The following CUX2 variants were observed in gnomAD, a reference collection of about 807,000 sequenced individuals.
CUX2 encodes cut like homeobox 2.
Under a neutral mutation model 144.8 loss-of-function variants are expected in CUX2, and 40 were observed. That is an observed-to-expected ratio of 0.28 (90% CI 0.21 to 0.36). The LOEUF (loss-of-function observed/expected upper bound fraction) is 0.36. Ranked by LOEUF, CUX2 falls within the 10% of genes least tolerant of loss-of-function variation. The pLI is 1.00. For missense variants in CUX2, 1,615 were observed against 1,994.0 expected, an observed-to-expected ratio of 0.81 and a Z score of 3.62; for synonymous variants, 827 against 875.6, an observed-to-expected ratio of 0.94 and a Z score of 0.98.
intron 1 of CUX2, among the ~76,000 whole-genome samples, chr12:111,127,855 G>A (rs1875191101): frequency 1.3e-5 from 2 of 152,194 alleles, no homozygotes; most frequent in African/African-American, 4.8e-5. Flanking sequence ...GAAAGAGCTT[G>A]TGCAGGGCAA....
chr12:111,114,059 G>T (rs910640639), intron 1 of CUX2, among the ~76,000 whole-genome samples: 1 of 152,174 alleles, frequency 6.6e-6, no homozygotes, highest in Admixed American at 6.5e-5. Flanking sequence ...TTGCATATAG[G>T]TTCTTGTTTG....
chr12:111,247,720 G>A (rs1883345613), intron 3 of CUX2, among the ~76,000 whole-genome samples: 1 of 152,136 alleles, frequency 6.6e-6, no homozygotes, highest in South Asian at 2.1e-4. Context: ...CTGACCCTCT[G>A]CCCACGCTCT....
At chr12:111,040,760 A>G (rs1342831964) in intron 1 of CUX2, among the ~76,000 whole-genome samples, 1 of 152,182 alleles carries the variant, frequency 6.6e-6, no homozygotes, top group Non-Finnish European at 1.5e-5. Flanking sequence ...GAGTTGGATA[A>G]TAATACACTG....
intron 1 of CUX2, among the ~76,000 whole-genome samples, chr12:111,109,908 C>T (rs1252856823): frequency 1.3e-5 from 2 of 152,184 alleles, no homozygotes; most frequent in Admixed American, 1.3e-4. Context: ...TAGGATCTCA[C>T]TCTGTTGCCC....
intron 15 of CUX2, among the ~76,000 whole-genome samples, chr12:111,311,441 A>G (rs1886893098): frequency 6.6e-6 from 1 of 150,894 alleles, no homozygotes; most frequent in Admixed American, 6.6e-5. Context: ...TCACAACGCC[A>G]CCATGCCTGG....
At chr12:111,159,060 G>A (rs1386997798) in intron 1 of CUX2, among the ~76,000 whole-genome samples, 1 of 152,176 alleles carries the variant, frequency 6.6e-6, no homozygotes, top group African/African-American at 2.4e-5. Context: ...AGCCCAGCTG[G>A]TGTTCCGATC....
intron 15 of CUX2, among the ~76,000 whole-genome samples, chr12:111,311,603 A>ATTTT (rs369788655): frequency 7.6e-6 from 1 of 131,060 alleles, no homozygotes; most frequent in African/African-American, 2.8e-5. Context: ...TATTATTATT[A>ATTTT]TTTTTTTTTT....
chr12:111,287,817 T>C lies in CUX2; in HGVS notation c.302-3601T>C, dbSNP rs1885470007. On this transcript the variant is annotated intron_variant, in intron 4 of 21. Coordinates refer to ENST00000261726, the MANE Select transcript of CUX2 (RefSeq NM_015267.4). The surrounding 1 kb of genome is among the most constrained non-coding windows in gnomAD (Gnocchi z 4.2). ...GAGTAAAACAGGGAAGCCGCCTTGT[T>C]CCAGCCGGACCTGAAGGCCCCATGT... Among the ~76,000 whole-genome samples the C allele has an allele frequency of 6.6e-6, 1 of 152,224 alleles. No individual in the cohort carries two copies. The highest frequency in any genetic ancestry group is 2.1e-4 in the South Asian group (1 of 4,830).
At chr12:111,150,572 G>C (rs1323852911) in intron 1 of CUX2, among the ~76,000 whole-genome samples, 3 of 152,182 alleles carry the variant, frequency 2.0e-5, no homozygotes, top group Non-Finnish European at 4.4e-5. Flanking sequence ...GGTGTGGACA[G>C]GAAGGCAGTT....
chr12:111,064,584 G>A (rs777523531), intron 1 of CUX2, among the ~76,000 whole-genome samples: 1 of 152,170 alleles, frequency 6.6e-6, no homozygotes, highest in African/African-American at 2.4e-5. Flanking sequence ...TGGAGACTTA[G>A]CATTTTGCAT....
intron 1 of CUX2, among the ~76,000 whole-genome samples, chr12:111,200,954 C>T (rs867330991): frequency 1.3e-5 from 2 of 152,294 alleles, no homozygotes; most frequent in South Asian, 2.1e-4. Flanking sequence ...CGTAAACCCT[C>T]GAGGCATCCT....
chr12:111,137,091 C>T (rs1297385875), intron 1 of CUX2, among the ~76,000 whole-genome samples: 4 of 151,022 alleles, frequency 2.6e-5, no homozygotes, highest in African/African-American at 9.9e-5. Flanking sequence ...GCACGAGCCA[C>T]CACACCTGGC....
chr12:111,337,056 T>C (rs1180838042), intron 19 of CUX2, among the ~76,000 whole-genome samples: 1 of 151,852 alleles, frequency 6.6e-6, no homozygotes, highest in Non-Finnish European at 1.5e-5. Context: ...GTGCCTATAG[T>C]CCCAGCCACT....
intron 18 of CUX2, among the ~76,000 whole-genome samples, chr12:111,324,027 A>T (rs1015873607): frequency 6.6e-6 from 1 of 151,732 alleles, no homozygotes; most frequent in Non-Finnish European, 1.5e-5. Flanking sequence ...GCACTGGGCA[A>T]GTGAGACCAT....
chr12:111,053,566 C>T (rs1393408357), intron 1 of CUX2, among the ~76,000 whole-genome samples: 1 of 152,246 alleles, frequency 6.6e-6, no homozygotes, highest in African/African-American at 2.4e-5. Context: ...CCTCCATACT[C>T]CTCACACTTC....
intron 3 of CUX2, among the ~76,000 whole-genome samples, chr12:111,261,564 T>C (rs58994753): frequency 0.012 from 1,755 of 152,216 alleles, 40 homozygotes; most frequent in African/African-American, 0.039. Flanking sequence ...CTCAATTGCA[T>C]GTCCCCAGAA....
At chr12:111,069,716 C>G (rs1175748432) in intron 1 of CUX2, among the ~76,000 whole-genome samples, 3 of 152,064 alleles carry the variant, frequency 2.0e-5, no homozygotes, top group African/African-American at 4.8e-5. Flanking sequence ...GTGTCTTAAT[C>G]TCTTATTAGA....
At chr12:111,324,526 A>G (rs1384123810) in intron 18 of CUX2, among the ~76,000 whole-genome samples, 1 of 132,688 alleles carries the variant, frequency 7.5e-6, no homozygotes, top group African/African-American at 3.3e-5. Flanking sequence ...TTTGAGACAG[A>G]GTCTTGCTCT....
In CUX2 at chr12:111,115,279, C is replaced by CTTTT. The variant is rs869307048; in HGVS notation, c.63+81060_63+81063dup. ...GATCAATTTGGAGATAATAAAATTT[C>CTTTT]TTTTTTTTTTTTTTTTTTTTTTTTG... is the stretch of plus-strand genomic sequence containing the variant. On this transcript the variant is annotated intron_variant, in intron 1 of 21. Coordinates refer to ENST00000261726, the MANE Select transcript of CUX2 (RefSeq NM_015267.4). Among the ~76,000 whole-genome samples, 140 of 88,742 alleles carry CTTTT rather than the reference C, an allele frequency of 1.6e-3. 2 individuals carry two copies. Among genetic ancestry groups the CTTTT allele is most frequent in the African/African-American group, 1.9e-3 (45 of 23,658 alleles). 58.2% of individuals were successfully genotyped at this position (88,742 alleles called of 152,430 possible). A position where few individuals can be genotyped will look rare whatever the true frequency, so the allele number is the denominator to read the frequency against.
Sources: allele counts gnomAD v4.1 joint callset (sites outside exome capture counted in the v4.1 genomes callset), GRCh38; gene constraint gnomAD v4.1.1; non-coding constraint Gnocchi (gnomAD v3.1); transcripts MANE v1.5; gene names NCBI Gene and HGNC (gene_info 2026-07-23, HGNC 2026-07-21).